DGKB: variants seen among roughly 807,000 people sequenced by gnomAD.
The protein encoded by DGKB is 90 kDa diacylglycerol kinase.
Under a neutral mutation model 114.3 loss-of-function variants are expected in DGKB, and 67 were observed. The observed-to-expected ratio is 0.59, with a 90% confidence interval of 0.48 to 0.72. The LOEUF (loss-of-function observed/expected upper bound fraction) is 0.72. DGKB is among the 30% of genes least tolerant of loss of function. DGKB has a pLI of 0.00. For missense variants in DGKB, 907 were observed against 975.2 expected, an observed-to-expected ratio of 0.93 and a Z score of 0.93; for synonymous variants, 398 against 323.1, an observed-to-expected ratio of 1.23 and a Z score of -2.49.
intron 1 of DGKB, among the ~76,000 whole-genome samples, chr7:14,927,902 T>C (rs1284014229): frequency 6.6e-6 from 1 of 151,916 alleles, no homozygotes; most frequent in Non-Finnish European, 1.5e-5. Context: ...TAAGATTCAA[T>C]TTACAAGAAT....
At chr7:14,725,192 A>G (rs1829836844) in intron 5 of DGKB, among the ~76,000 whole-genome samples, 1 of 152,138 alleles carries the variant, frequency 6.6e-6, no homozygotes, top group Non-Finnish European at 1.5e-5. Context: ...AACAGAAAAC[A>G]AAAAACAAAA....
chr7:14,567,694 C>T (rs901836927), intron 20 of DGKB, among the ~76,000 whole-genome samples: 12 of 147,796 alleles, frequency 8.1e-5, no homozygotes, highest in Non-Finnish European at 3.0e-5. Flanking sequence ...GCAACCTCTG[C>T]CTCTCAGGTT....
chr7:14,242,821 G>A (rs17168009), intron 23 of DGKB, among the ~76,000 whole-genome samples: 8,736 of 150,828 alleles, frequency 0.058, 456 homozygotes, highest in East Asian at 0.2. Flanking sequence ...TGAAAGTGTC[G>A]GCAGCAGTTA....
chr7:14,913,697 G>A lies in DGKB; in HGVS notation c.-188+60999C>T, dbSNP rs566237312. Among the ~76,000 whole-genome samples, 70 of 152,072 alleles carry A rather than the reference G, an allele frequency of 4.6e-4. 1 individual carries two copies. The highest frequency in any genetic ancestry group is 3.9e-4 in the Admixed American group (6 of 15,252). ...TTTTCCTGGGGTAGTTGACATTTGG[G>A]AAGAATTTTCAAGGATGACTTGCTA... On this transcript the variant is annotated intron_variant, in intron 1 of 4. Transcript: ENST00000437998.
At chr7:14,490,066 T>G (rs529581474) in intron 20 of DGKB, among the ~76,000 whole-genome samples, 64 of 151,750 alleles carry the variant, frequency 4.2e-4, no homozygotes, top group African/African-American at 1.5e-3. Context: ...AAGAACAGAG[T>G]GCAAAGTACA....
intron 23 of DGKB, among the ~76,000 whole-genome samples, chr7:14,262,955 A>C (rs1796987968): frequency 6.6e-6 from 1 of 152,098 alleles, no homozygotes; most frequent in South Asian, 2.1e-4. Flanking sequence ...ATTACACATC[A>C]AGGAAGATTC....
intron 20 of DGKB, among the ~76,000 whole-genome samples, chr7:14,525,728 A>G (rs1459694536): frequency 6.6e-6 from 1 of 152,204 alleles, no homozygotes; most frequent in African/African-American, 2.4e-5. Context: ...AAGTAGAAAA[A>G]GTAAAAGTTT....
At chr7:14,265,138 T>C (rs908839967) in intron 23 of DGKB, among the ~76,000 whole-genome samples, 2 of 93,638 alleles carry the variant, frequency 2.1e-5, no homozygotes, top group Admixed American at 1.1e-4. Context: ...AATCCGGAGA[T>C]CATTTTTTTT....
Position 14,873,070 on chromosome 7 carries a change from G to C in DGKB, c.-188+29522C>G, listed in dbSNP as rs1467543637. Reference sequence around the variant, plus strand: ...AAAATAATCTACAATAATTGACTTAGGTAATGGGAAATTCAAACTACCCTA... The same window carrying C: ...AAAATAATCTACAATAATTGACTTACGTAATGGGAAATTCAAACTACCCTA... On this transcript the variant is annotated intron_variant, in intron 1 of 25. Coordinates refer to ENST00000402815, the MANE Select transcript of DGKB (RefSeq NM_001350709.2). Among the ~76,000 whole-genome samples, 4 of 152,026 alleles carry C rather than the reference G, an allele frequency of 2.6e-5. No individual in the cohort carries two copies. In the East Asian group the frequency reaches 7.7e-4, roughly 29 times the overall value.
At position 14,626,090 on chromosome 7, in the gene DGKB, G is replaced by T. The variant is rs576101011; in HGVS notation, c.1167+4146C>A. Among the ~76,000 whole-genome samples the T allele has an allele frequency of 4.6e-5, 7 of 152,096 alleles. No homozygotes were observed. In the East Asian group the frequency reaches 1.4e-3, roughly 29 times the overall value. On this transcript the variant is annotated intron_variant, in intron 14 of 25. Transcript: ENST00000402815. ...TAAAAAGACCTCACTTTAAATATGTGCTCTAAAAAAAAAATCTTTGTCTAC... is the reference window on the plus strand; with the variant it reads ...TAAAAAGACCTCACTTTAAATATGTTCTCTAAAAAAAAAATCTTTGTCTAC...
At chr7:14,696,107 C>T (rs1422383039) in intron 8 of DGKB, among the ~76,000 whole-genome samples, 2 of 152,124 alleles carry the variant, frequency 1.3e-5, no homozygotes, top group Non-Finnish European at 2.9e-5. Flanking sequence ...CTCCTAGCAT[C>T]CTGATGTCCT....
chr7:14,373,500 C>G (rs1818002966), intron 21 of DGKB, among the ~76,000 whole-genome samples: 1 of 152,234 alleles, frequency 6.6e-6, no homozygotes, highest in Admixed American at 6.5e-5. Flanking sequence ...AAAATAAAAT[C>G]TGAGTTCAGT....
In DGKB at chr7:14,915,797, A is replaced by C. The variant is rs184377986; in HGVS notation, c.-188+58899T>G. Among the ~76,000 whole-genome samples the C allele has an allele frequency of 2.0e-5, 3 of 152,280 alleles. No individual in the cohort carries two copies. The East Asian group carries it at 5.8e-4, about 29-fold the overall frequency. ...ACAAACAAACAAAAGAGAAACAGGG[A>C]ATTTGTTACCTGTAATACTGTCTTG... On this transcript the variant is annotated intron_variant, in intron 1 of 4. Transcript: ENST00000437998.
At chr7:14,885,586 G>A (rs1003169831) in intron 1 of DGKB, among the ~76,000 whole-genome samples, 4 of 151,864 alleles carry the variant, frequency 2.6e-5, no homozygotes, top group South Asian at 2.1e-4. Context: ...TTCATTAAGC[G>A]ATTAAACGTG....
chr7:14,177,985 G>A (rs776382072), intron 24 of DGKB, 46 bp downstream of exon 24: 28 of 1,505,366 alleles, frequency 1.9e-5, no homozygotes, highest in South Asian at 5.4e-5. Context: ...TTAGTTTGAG[G>A]CTATGCCATA....
intron 21 of DGKB, among the ~76,000 whole-genome samples, chr7:14,355,032 G>A (rs1295966858): frequency 6.6e-6 from 1 of 152,032 alleles, no homozygotes. Context: ...ACAACTAGCT[G>A]GATTATACTA....
At position 14,530,136 on chromosome 7, in the gene DGKB, T is replaced by C. The variant is rs77054732; in HGVS notation, c.1770+44076A>G. ...GTCAATAATGCTTCTAAAATGGAAA[T>C]GCCATTTTATTAAGGCTGTGTTTTT... On this transcript the variant is annotated intron_variant, in intron 20 of 25. Transcript: ENST00000402815. 2.3e-4 allele frequency among the ~76,000 whole-genome samples: 35 copies of C among 151,814 alleles called. No homozygotes were observed. In the East Asian group the frequency reaches 6.6e-3, roughly 28 times the overall value.
At chr7:14,611,046 T>TTTGTGAG (rs1805460079) in intron 16 of DGKB, among the ~76,000 whole-genome samples, 1 of 152,124 alleles carries the variant, frequency 6.6e-6, no homozygotes, top group South Asian at 2.1e-4. Flanking sequence ...GGTAAATTCC[T>TTTGTGAG]CTTGGTTGAC....
chr7:14,188,586 G>A (rs1372582726), intron 23 of DGKB, among the ~76,000 whole-genome samples: 8 of 144,212 alleles, frequency 5.5e-5, no homozygotes, highest in Admixed American at 1.5e-4. Flanking sequence ...CGTGAACCCG[G>A]GAGGCGGAGC....
Sources: allele counts gnomAD v4.1 joint callset (sites outside exome capture counted in the v4.1 genomes callset), GRCh38; gene constraint gnomAD v4.1.1; transcripts MANE v1.5; gene names NCBI Gene and HGNC (gene_info 2026-07-23, HGNC 2026-07-21).